Variants in DPYD observed in about 807,000 individuals in gnomAD.
DPYD encodes the protein dihydropyrimidine dehydrogenase, also known as dihydropyrimidine dehydrogenase [NADP(+)].
DPYD carries 109 observed loss-of-function variants against 116.2 expected under a neutral mutation model. The observed-to-expected ratio is 0.94, with a 90% CI of 0.80 to 1.10. The LOEUF (loss-of-function observed/expected upper bound fraction) is 1.10, where lower values mean the gene tolerates loss of function less well. DPYD is among the 50% of genes least tolerant of loss of function. The pLI is 0.00. For synonymous variants in DPYD, 440 were observed against 432.0 expected (o/e 1.02, Z -0.23); for missense variants, 1,302 against 1,254.5 (o/e 1.04, Z -0.57).
chr1:97,333,046 GC>G (rs1239069331), intron 16 of DPYD, among the ~76,000 whole-genome samples: 7 of 147,536 alleles, frequency 4.7e-5, no homozygotes, highest in African/African-American at 1.5e-4. Context: ...CCCAAAGAAA[GC>G]CAACTGCTAA....
At chr1:97,605,846 T>C (rs1655557368) in intron 8 of DPYD, among the ~76,000 whole-genome samples, 1 of 152,030 alleles carries the variant, frequency 6.6e-6, no homozygotes, top group Non-Finnish European at 1.5e-5. Context: ...AAATCTATTA[T>C]TTTCATATGC....
At chr1:97,824,236 G>C (rs1669114561) in intron 3 of DPYD, among the ~76,000 whole-genome samples, 1 of 151,920 alleles carries the variant, frequency 6.6e-6, no homozygotes, top group East Asian at 1.9e-4. Context: ...TTTAGTTTTG[G>C]TTTTACATCT....
At chr1:97,215,767 C>T (rs1291059130) in intron 19 of DPYD, among the ~76,000 whole-genome samples, 2 of 152,258 alleles carry the variant, frequency 1.3e-5, no homozygotes, top group East Asian at 1.9e-4. Context: ...CACTCCATCA[C>T]GTGACTGGCG....
At chr1:97,335,263 C>T (rs72728408) in intron 16 of DPYD, among the ~76,000 whole-genome samples, 10 of 150,956 alleles carry the variant, frequency 6.6e-5, no homozygotes, top group East Asian at 2.0e-4. Context: ...TTGTTCTTCA[C>T]GCTGGCTATG....
chr1:97,077,897 CTACT>C lies in DPYD; in HGVS notation c.*1075_*1078del, dbSNP rs1198783621. 2.0e-5 allele frequency: 3 copies of C among 151,928 alleles called. No individual in the cohort carries two copies. The highest frequency in any genetic ancestry group is 7.3e-5 in the African/African-American group (3 of 41,350). The allele number at this position is 151,928 out of a possible 1,614,324, so 9.4% of individuals were successfully genotyped here. ...CCATAGATTGTTACTTTCTGATTTA[CTACT>C]TATAGATTCATATTGAAGATGCCAT... is the stretch of plus-strand genomic sequence containing the variant. On this transcript the variant is annotated 3_prime_UTR_variant, in exon 23 of 23. Transcript: ENST00000370192.
intron 21 of DPYD, among the ~76,000 whole-genome samples, chr1:97,088,785 A>T (rs977825331): frequency 6.6e-6 from 1 of 152,182 alleles, no homozygotes; most frequent in African/African-American, 2.4e-5. Context: ...ACAAATCCCC[A>T]TAAGACTTAA....
At chr1:97,712,512 A>C (rs1339179419) in intron 5 of DPYD, among the ~76,000 whole-genome samples, 1 of 152,010 alleles carries the variant, frequency 6.6e-6, no homozygotes, top group African/African-American at 2.4e-5. Flanking sequence ...CATTAGGATA[A>C]AGTCAGGTAC....
intron 16 of DPYD, among the ~76,000 whole-genome samples, chr1:97,371,794 A>G (rs1557664545): frequency 6.6e-6 from 1 of 152,234 alleles, no homozygotes; most frequent in African/African-American, 2.4e-5. Context: ...CTTGGCTGAT[A>G]TGAAGAATTG....
intron 10 of DPYD, among the ~76,000 whole-genome samples, chr1:97,582,168 A>G (rs570542446): frequency 6.6e-6 from 1 of 152,356 alleles, no homozygotes; most frequent in African/African-American, 2.4e-5. Flanking sequence ...TAGATGTCTC[A>G]TAAGTGAAAC....
At chr1:97,436,413 C>G (rs1476328606) in intron 14 of DPYD, among the ~76,000 whole-genome samples, 2 of 151,932 alleles carry the variant, frequency 1.3e-5, no homozygotes, top group Admixed American at 1.3e-4. Context: ...CATTGCCTCT[C>G]TCATGAGCTA....
intron 8 of DPYD, among the ~76,000 whole-genome samples, chr1:97,644,010 C>G (rs1001511008): frequency 8.6e-5 from 13 of 151,948 alleles, no homozygotes; most frequent in Non-Finnish European, 2.9e-5. Context: ...TTCAGCAAAC[C>G]ACCATGGCAC....
chr1:97,559,683 T>C (rs1434582174), intron 11 of DPYD, among the ~76,000 whole-genome samples: 1 of 152,056 alleles, frequency 6.6e-6, no homozygotes, highest in Non-Finnish European at 1.5e-5. Flanking sequence ...CACACTTCAA[T>C]GCAAACTTAA....
chr1:97,266,675 C>T (rs993429691), intron 18 of DPYD, among the ~76,000 whole-genome samples: 2 of 152,048 alleles, frequency 1.3e-5, no homozygotes, highest in Non-Finnish European at 2.9e-5. Flanking sequence ...GCTATCCCTC[C>T]CCCTGCCCCC....
intron 16 of DPYD, among the ~76,000 whole-genome samples, chr1:97,313,121 A>G (rs1023863895): frequency 6.6e-6 from 1 of 151,902 alleles, no homozygotes; most frequent in Non-Finnish European, 1.5e-5. Flanking sequence ...AAAAGACAAG[A>G]CATCCTGAAA....
chr1:97,611,839 T>C (rs906325412), intron 8 of DPYD, among the ~76,000 whole-genome samples: 3 of 152,066 alleles, frequency 2.0e-5, no homozygotes, highest in Non-Finnish European at 2.9e-5. Context: ...AACCTAGAAG[T>C]AGTGCTCGTG....
At chr1:97,516,725 C>A (rs1648260367) in intron 12 of DPYD, among the ~76,000 whole-genome samples, 1 of 151,984 alleles carries the variant, frequency 6.6e-6, no homozygotes, top group Admixed American at 6.6e-5. Flanking sequence ...ACTGAAACAT[C>A]ATACATAGGT....
intron 14 of DPYD, among the ~76,000 whole-genome samples, chr1:97,417,089 A>T (rs1429619230): frequency 6.6e-6 from 1 of 152,158 alleles, no homozygotes; most frequent in Non-Finnish European, 1.5e-5. Context: ...ATTTCCCTAA[A>T]CCCTACAAGA....
intron 12 of DPYD, among the ~76,000 whole-genome samples, chr1:97,518,598 T>C (rs994493234): frequency 1.3e-5 from 2 of 152,138 alleles, no homozygotes; most frequent in African/African-American, 4.8e-5. Context: ...GTAGATGCTT[T>C]GCTCTTACAC....
At chr1:97,467,541 G>T (rs1283356516) in intron 13 of DPYD, among the ~76,000 whole-genome samples, 1 of 152,160 alleles carries the variant, frequency 6.6e-6, no homozygotes, top group Non-Finnish European at 1.5e-5. Context: ...TAAGCCATCA[G>T]GGAGGTCAGG....
Sources: gnomAD v4.1 joint callset for allele counts (sites outside exome capture counted in the v4.1 genomes callset) on GRCh38, gnomAD v4.1.1 for gene constraint, MANE v1.5 for transcripts, NCBI Gene and HGNC (gene_info 2026-07-23, HGNC 2026-07-21) for gene names.